Variants in TMEM132D observed in about 807,000 individuals in gnomAD.
TMEM132D encodes the protein transmembrane protein 132D, also known as mature OL transmembrane protein.
Under a neutral mutation model 62.3 loss-of-function variants are expected in TMEM132D, and 21 were observed. That is an observed-to-expected ratio of 0.34 (90% CI 0.24 to 0.49). The LOEUF (loss-of-function observed/expected upper bound fraction) is 0.49, where lower values mean the gene tolerates loss of function less well. TMEM132D is among the 20% of genes least tolerant of loss of function. TMEM132D has a pLI of 0.99. For synonymous variants in TMEM132D, 621 were observed against 575.6 expected, an observed-to-expected ratio of 1.08 and a Z score of -1.13; for missense variants, 1,346 against 1,402.8, an observed-to-expected ratio of 0.96 and a Z score of 0.65.
intron 2 of TMEM132D, among the ~76,000 whole-genome samples, chr12:129,685,444 C>T (rs1401561000): frequency 4.6e-5 from 7 of 152,182 alleles, no homozygotes; most frequent in Non-Finnish European, 1.0e-4. Flanking sequence ...GGTATTGAGC[C>T]TGCAGGTGCA....
chr12:129,261,002 C>T (rs1880536299), intron 4 of TMEM132D, among the ~76,000 whole-genome samples: 1 of 152,122 alleles, frequency 6.6e-6, no homozygotes, highest in Non-Finnish European at 1.5e-5. Flanking sequence ...TCTTATAATG[C>T]CTTCTTTTCC....
At chr12:129,711,421 T>C (rs779131034) in intron 1 of TMEM132D, among the ~76,000 whole-genome samples, 4 of 152,056 alleles carry the variant, frequency 2.6e-5, no homozygotes, top group African/African-American at 2.4e-5. Flanking sequence ...AAATGGGCGG[T>C]TGTTTAAACA....
chr12:129,892,789 T>C (rs553364566), intron 1 of TMEM132D, among the ~76,000 whole-genome samples: 126 of 152,192 alleles, frequency 8.3e-4, no homozygotes, highest in Non-Finnish European at 1.6e-3. Flanking sequence ...TCCATGCCTT[T>C]GTAGTCTTTG....
chr12:129,817,669 G>GGTGC (rs140431932), intron 1 of TMEM132D, among the ~76,000 whole-genome samples: 1 of 135,626 alleles, frequency 7.4e-6, no homozygotes, highest in Non-Finnish European at 1.5e-5. Context: ...GTGTGTGGGG[G>GGTGC]GTATGTGTGG....
chr12:129,248,256 CTT>C (rs1394564607), intron 4 of TMEM132D, among the ~76,000 whole-genome samples: 2 of 152,182 alleles, frequency 1.3e-5, no homozygotes, highest in African/African-American at 2.4e-5. Flanking sequence ...TCTCTATCAA[CTT>C]TATGATAATA....
At chr12:129,551,212 G>A (rs1042868614) in intron 2 of TMEM132D, among the ~76,000 whole-genome samples, 5 of 152,224 alleles carry the variant, frequency 3.3e-5, no homozygotes, top group African/African-American at 1.2e-4. Context: ...ACTAACTTTT[G>A]TCCTTCCAAG....
intron 1 of TMEM132D, among the ~76,000 whole-genome samples, chr12:129,715,857 G>A (rs1392404228): frequency 6.6e-6 from 1 of 152,204 alleles, no homozygotes; most frequent in East Asian, 1.9e-4. Context: ...GACGCTAGGA[G>A]TCTCACTGAG....
chr12:129,806,040 A>G, intron 1 of TMEM132D, among the ~76,000 whole-genome samples: 1 of 97,734 alleles, frequency 1.0e-5, no homozygotes, highest in Admixed American at 1.1e-4. Flanking sequence ...AAGTCAGGAA[A>G]CAACAGGTGC....
chr12:129,572,048 C>T (rs1593070422), intron 2 of TMEM132D, among the ~76,000 whole-genome samples: 1 of 152,236 alleles, frequency 6.6e-6, no homozygotes. Context: ...AGGTACTCAC[C>T]CTGCAGGAAC....
At chr12:129,546,231 G>A (rs1170180868) in intron 2 of TMEM132D, among the ~76,000 whole-genome samples, 4 of 152,220 alleles carry the variant, frequency 2.6e-5, no homozygotes, top group African/African-American at 7.2e-5. Flanking sequence ...TTTAACAAAT[G>A]TTTATATAAC....
intron 1 of TMEM132D, among the ~76,000 whole-genome samples, chr12:129,710,871 C>A (rs1266925104): frequency 6.8e-6 from 1 of 148,082 alleles, no homozygotes; most frequent in Non-Finnish European, 1.5e-5. Flanking sequence ...CTCTCCCATA[C>A]CCACGCGCAT....
At chr12:129,652,475 G>A (rs1879955806) in intron 2 of TMEM132D, among the ~76,000 whole-genome samples, 1 of 152,198 alleles carries the variant, frequency 6.6e-6, no homozygotes, top group Non-Finnish European at 1.5e-5. Context: ...TCAAGATAAA[G>A]AGATCATCTT....
At chr12:129,207,347 G>C (rs1055636364) in intron 5 of TMEM132D, among the ~76,000 whole-genome samples, 4 of 152,082 alleles carry the variant, frequency 2.6e-5, no homozygotes, top group African/African-American at 9.7e-5. Context: ...AACGAGGACA[G>C]TCAGAAGATG....
intron 4 of TMEM132D, among the ~76,000 whole-genome samples, chr12:129,315,715 A>G (rs1350279245): frequency 6.6e-6 from 1 of 152,132 alleles, no homozygotes; most frequent in Non-Finnish European, 1.5e-5. Flanking sequence ...GATCAAAAGG[A>G]TTGCTACCAA....
chr12:129,875,091 G>A (rs1439140175), intron 1 of TMEM132D, among the ~76,000 whole-genome samples: 65 of 152,276 alleles, frequency 4.3e-4, no homozygotes. Context: ...CAGAGGTACA[G>A]ACATCGGCTT....
Position 129,385,156 on chromosome 12 carries a change from A to G in TMEM132D, c.1116-47339T>C, listed in dbSNP as rs540122734. On this transcript the variant is annotated intron_variant, in intron 3 of 8. Transcript: ENST00000422113. Reference sequence around the variant, plus strand: ...GTCACCCAGGCTGGAGTGCAGTAGTAGTGCAGTGGTGCGATCTTGGCTCAC... The same window carrying G: ...GTCACCCAGGCTGGAGTGCAGTAGTGGTGCAGTGGTGCGATCTTGGCTCAC... Among the ~76,000 whole-genome samples the G allele has an allele frequency of 4.0e-5, 5 of 125,390 alleles. No homozygotes were observed. The South Asian group carries it at 1.3e-3, about 33-fold the overall frequency. The allele number at this position is 125,390 out of a possible 152,430, so 82.3% of individuals were successfully genotyped here. A position where few individuals can be genotyped will look rare whatever the true frequency, so the allele number is the denominator to read the frequency against.
intron 3 of TMEM132D, among the ~76,000 whole-genome samples, chr12:129,428,152 C>T (rs1322592633): frequency 2.0e-5 from 3 of 152,140 alleles, no homozygotes; most frequent in Non-Finnish European, 2.9e-5. Context: ...GAGGTGATGT[C>T]CTAGAAAATA....
chr12:129,440,046 G>A (rs570346000), intron 3 of TMEM132D, among the ~76,000 whole-genome samples: 5 of 152,292 alleles, frequency 3.3e-5, no homozygotes, highest in African/African-American at 4.8e-5. Context: ...GTTATTTGGC[G>A]AAGCCTGACC....
chr12:129,785,087 C>A (rs1400080664), intron 1 of TMEM132D, among the ~76,000 whole-genome samples: 1 of 152,148 alleles, frequency 6.6e-6, no homozygotes, highest in Non-Finnish European at 1.5e-5. Flanking sequence ...TATTAAAATT[C>A]AACTTTCTTA....
Sources: allele counts gnomAD v4.1 joint callset (sites outside exome capture counted in the v4.1 genomes callset), GRCh38; gene constraint gnomAD v4.1.1; transcripts MANE v1.5; gene names NCBI Gene and HGNC (gene_info 2026-07-23, HGNC 2026-07-21).